Variants in SGPP2 observed in about 807,000 individuals in gnomAD.
The protein encoded by SGPP2 is sphingosine 1-phosphate phosphohydrolase 2.
A neutral mutation model predicts 33.9 loss-of-function variants in SGPP2; 30 were observed. The observed-to-expected ratio is 0.89, with a 90% CI of 0.66 to 1.20. The LOEUF is 1.20. Ranked by LOEUF, SGPP2 falls within the 50% of genes most tolerant of loss-of-function variation. The pLI is 0.00. For synonymous variants in SGPP2, 233 were observed against 225.0 expected, an observed-to-expected ratio of 1.04 and a Z score of -0.32; for missense variants, 458 against 532.1, an observed-to-expected ratio of 0.86 and a Z score of 1.37.
At chr2:222,519,993 T>C (rs957362497) in intron 2 of SGPP2, among the ~76,000 whole-genome samples, 1 of 152,326 alleles carries the variant, frequency 6.6e-6, no homozygotes, top group African/African-American at 2.4e-5. Context: ...TATGTGTCTT[T>C]TTGGTAGAAT....
At chr2:222,510,660 C>G (rs1278207148) in intron 2 of SGPP2, among the ~76,000 whole-genome samples, 2 of 152,064 alleles carry the variant, frequency 1.3e-5, no homozygotes, top group African/African-American at 4.8e-5. Context: ...TGAAAAGAGC[C>G]TCTTGGTGCT....
chr2:222,456,005 G>A (rs1697568088), intron 1 of SGPP2, among the ~76,000 whole-genome samples: 1 of 152,174 alleles, frequency 6.6e-6, no homozygotes, highest in Non-Finnish European at 1.5e-5. Flanking sequence ...CTTGAGCCCA[G>A]GAGTTTGAGG....
At chr2:222,434,432 G>A (rs868023303) in intron 1 of SGPP2, among the ~76,000 whole-genome samples, 6 of 152,232 alleles carry the variant, frequency 3.9e-5, no homozygotes, top group African/African-American at 7.2e-5. Flanking sequence ...GGGCCAGAGC[G>A]GATGAAAAGG....
At chr2:222,471,665 A>G (rs929572747) in intron 1 of SGPP2, among the ~76,000 whole-genome samples, 10 of 152,182 alleles carry the variant, frequency 6.6e-5, no homozygotes, top group African/African-American at 2.4e-4. Context: ...TTGTTTTCTG[A>G]AATCCCCCGG....
chr2:222,436,512 T>C (rs1044985411), intron 1 of SGPP2, among the ~76,000 whole-genome samples: 1 of 152,220 alleles, frequency 6.6e-6, no homozygotes, highest in Non-Finnish European at 1.5e-5. Flanking sequence ...CAAAAGGCCA[T>C]ACCAGCATTC....
At chr2:222,474,429 C>A (rs1697897586) in intron 1 of SGPP2, 139 bp from the exon 2 acceptor site, 2 of 665,686 alleles carry the variant, frequency 3.0e-6, no homozygotes, top group Middle Eastern at 4.4e-4. Flanking sequence ...AAGTGTTCAG[C>A]CACAGCAATG....
intron 2 of SGPP2, among the ~76,000 whole-genome samples, chr2:222,514,354 A>T (rs909524236): frequency 3.3e-5 from 5 of 152,116 alleles, no homozygotes; most frequent in Non-Finnish European, 4.4e-5. Context: ...TTCTTTTTTT[A>T]AAAAATGTTT....
At chr2:222,435,801 G>C (rs987622754) in intron 1 of SGPP2, among the ~76,000 whole-genome samples, 1 of 152,206 alleles carries the variant, frequency 6.6e-6, no homozygotes, top group Non-Finnish European at 1.5e-5. Flanking sequence ...TTACAGTCCT[G>C]GTTTCTGTAG....
Position 222,485,236 on chromosome 2 carries a change from G to T in SGPP2, c.378+10510G>T, listed in dbSNP as rs73067720. 7.3e-3 allele frequency among the ~76,000 whole-genome samples: 1,117 copies of T among 152,258 alleles called. 12 individuals carry two copies. Among genetic ancestry groups the T allele is most frequent in the African/African-American group, 0.026 (1,073 of 41,526 alleles). On this transcript the variant is annotated intron_variant, in intron 2 of 4. Coordinates refer to ENST00000321276, the MANE Select transcript of SGPP2 (RefSeq NM_152386.4). ...TTCAGAAATGTGCTTTGCCTATTTGGTTGGAAAGGCTCTGTTTAGCATTAC... is the reference window on the plus strand; with the variant it reads ...TTCAGAAATGTGCTTTGCCTATTTGTTTGGAAAGGCTCTGTTTAGCATTAC...
chr2:222,467,975 A>C lies in SGPP2; in HGVS notation c.220-6593A>C, dbSNP rs868790151. Among the ~76,000 whole-genome samples the C allele has an allele frequency of 2.7e-3, 363 of 132,520 alleles. 2 individuals carry two copies. Among genetic ancestry groups the C allele is most frequent in the South Asian group, 5.6e-3 (24 of 4,322 alleles). 86.9% of individuals were successfully genotyped at this position (132,520 alleles called of 152,430 possible). ...GAAAAAAAAAAAAAAAAAAAAAAAA[A>C]AAAAAAAAAAAAACAGAGGAAGTAA... On this transcript the variant is annotated intron_variant, in intron 1 of 4. Transcript: ENST00000321276.
chr2:222,441,370 G>T (rs77817995), intron 1 of SGPP2, among the ~76,000 whole-genome samples: 1,701 of 152,066 alleles, frequency 0.011, 32 homozygotes, highest in African/African-American at 0.038. Flanking sequence ...GTTCTACAAA[G>T]GGAAAAATTT....
At chr2:222,543,355 G>A (rs988762343) in intron 4 of SGPP2, among the ~76,000 whole-genome samples, 8 of 152,158 alleles carry the variant, frequency 5.3e-5, no homozygotes, top group Non-Finnish European at 4.4e-5. Context: ...GTGACTTTAT[G>A]CATACAGTCG....
intron 4 of SGPP2, among the ~76,000 whole-genome samples, chr2:222,552,990 A>G (rs997024605): frequency 6.6e-6 from 1 of 152,250 alleles, no homozygotes; most frequent in Admixed American, 6.5e-5. Flanking sequence ...CTGTAACTCA[A>G]TGTCTGCTAC....
chr2:222,450,478 C>A (rs1363631869), intron 1 of SGPP2, among the ~76,000 whole-genome samples: 1 of 152,166 alleles, frequency 6.6e-6, no homozygotes, highest in Admixed American at 6.5e-5. Context: ...GATATCATTG[C>A]AGAAATCAAC....
chr2:222,561,094 G>C lies in SGPP2; in HGVS notation c.*2196G>C, dbSNP rs1381502921. ...CACTCCAGCCTGGGCGACAGAGCGA[G>C]ACTCTCTCAAAAAAAAAAAAAAAGA... is the stretch of plus-strand genomic sequence containing the variant. On this transcript the variant is annotated 3_prime_UTR_variant, in exon 5 of 5. Coordinates refer to ENST00000321276, the MANE Select transcript of SGPP2 (RefSeq NM_152386.4). 1 of 142,668 alleles carries C rather than the reference G, an allele frequency of 7.0e-6. No homozygotes were observed. Among genetic ancestry groups the C allele is most frequent in the East Asian group, 2.2e-4 (1 of 4,630 alleles). 8.8% of individuals were successfully genotyped at this position (142,668 alleles called of 1,614,324 possible).
At chr2:222,436,106 C>T (rs1697235435) in intron 1 of SGPP2, among the ~76,000 whole-genome samples, 2 of 152,206 alleles carry the variant, frequency 1.3e-5, no homozygotes, top group Admixed American at 1.3e-4. Context: ...CTGGGTCAGT[C>T]ACCCCAGGCA....
intron 1 of SGPP2, among the ~76,000 whole-genome samples, chr2:222,470,168 G>A (rs1044776778): frequency 3.9e-5 from 6 of 152,056 alleles, no homozygotes; most frequent in Non-Finnish European, 7.4e-5. Context: ...TAATGCATGC[G>A]GGGCTTAAAA....
chr2:222,470,967 C>G (rs1441144458), intron 1 of SGPP2, among the ~76,000 whole-genome samples: 1 of 152,194 alleles, frequency 6.6e-6, no homozygotes, highest in Non-Finnish European at 1.5e-5. Flanking sequence ...TGTCTCGGAC[C>G]CTTGTCCTTG....
At chr2:222,502,868 A>T (rs1315888913) in intron 2 of SGPP2, among the ~76,000 whole-genome samples, 1 of 152,248 alleles carries the variant, frequency 6.6e-6, no homozygotes, top group Non-Finnish European at 1.5e-5. Context: ...GAGAACATTT[A>T]CACCGTGTAC....
Sources: gnomAD v4.1 joint callset for allele counts (sites outside exome capture counted in the v4.1 genomes callset) on GRCh38, gnomAD v4.1.1 for gene constraint, MANE v1.5 for transcripts, NCBI Gene and HGNC (gene_info 2026-07-23, HGNC 2026-07-21) for gene names.